The following FBXL20 variants were observed in gnomAD, a reference collection of about 807,000 sequenced individuals.
The protein encoded by FBXL20 is F-box/LRR-repeat protein 20.
Under a neutral mutation model 64.0 loss-of-function variants are expected in FBXL20, and 11 were observed. The observed-to-expected ratio is 0.17, with a 90% CI of 0.11 to 0.28. FBXL20 has a LOEUF of 0.28. FBXL20 is among the 10% of genes least tolerant of loss of function. The pLI is 1.00. For missense variants in FBXL20, 303 were observed against 526.2 expected (o/e 0.58, Z 4.15); for synonymous variants, 184 against 189.0 (o/e 0.97, Z 0.22).
intron 6 of FBXL20, among the ~76,000 whole-genome samples, chr17:39,294,858 A>G (rs1597781445): frequency 6.6e-6 from 1 of 152,298 alleles, no homozygotes; most frequent in East Asian, 1.9e-4. Flanking sequence ...CTAAAAATAC[A>G]AAAATTAGTT....
At chr17:39,370,508 C>T (rs1303786306) in intron 1 of FBXL20, among the ~76,000 whole-genome samples, 3 of 149,500 alleles carry the variant, frequency 2.0e-5, no homozygotes, top group South Asian at 2.1e-4. Flanking sequence ...AAAAGAAGGC[C>T]GGGCGCGGTG....
chr17:39,264,779 T>C (rs966038522), intron 13 of FBXL20, among the ~76,000 whole-genome samples: 1 of 152,218 alleles, frequency 6.6e-6, no homozygotes, highest in Admixed American at 6.5e-5. Flanking sequence ...TTCAGAGACA[T>C]GCCCCAACAA....
chr17:39,281,239 C>A (rs923735060), intron 9 of FBXL20, 150 bp downstream of exon 9: 1 of 671,114 alleles, frequency 1.5e-6, no homozygotes. Context: ...TTGTTAAGCA[C>A]GTCAAAAGTC....
intron 2 of FBXL20, among the ~76,000 whole-genome samples, chr17:39,317,046 C>A (rs1021358264): frequency 2.6e-5 from 4 of 152,150 alleles, no homozygotes; most frequent in Non-Finnish European, 4.4e-5. Flanking sequence ...TCTTGGATAG[C>A]ATAATTTAAT....
chr17:39,324,315 G>T lies in FBXL20; in HGVS notation c.104+18865C>A, dbSNP rs556298708. Among the ~76,000 whole-genome samples the T allele has an allele frequency of 1.1e-4, 17 of 148,922 alleles. No homozygotes were observed. In the South Asian group the frequency reaches 3.3e-3, roughly 29 times the overall value. On this transcript the variant is annotated intron_variant, in intron 2 of 14. Transcript: ENST00000264658. ...ATTTTTCTTTTTTTTTTAGACAAGA[G>T]TCTCACACTGTCACCTAGGCTGGAG...
At chr17:39,338,227 T>G (rs1469515645) in intron 2 of FBXL20, among the ~76,000 whole-genome samples, 1 of 152,252 alleles carries the variant, frequency 6.6e-6, no homozygotes, top group Non-Finnish European at 1.5e-5. Flanking sequence ...CCTGTTGATC[T>G]GTGACCTTAC....
chr17:39,272,168 C>CT, intron 10 of FBXL20, among the ~76,000 whole-genome samples: 1 of 151,812 alleles, frequency 6.6e-6, no homozygotes, highest in Admixed American at 6.6e-5. Flanking sequence ...AGGCGGATCA[C>CT]GAGGTCAGGA....
At chr17:39,287,217 T>C (rs2046997178) in intron 6 of FBXL20, among the ~76,000 whole-genome samples, 1 of 152,026 alleles carries the variant, frequency 6.6e-6, no homozygotes, top group Non-Finnish European at 1.5e-5. Context: ...GGCCTTGGTA[T>C]CTATTTCTAA....
chr17:39,379,018 G>A (rs926610184), intron 1 of FBXL20, among the ~76,000 whole-genome samples: 10 of 149,976 alleles, frequency 6.7e-5, no homozygotes, highest in East Asian at 4.1e-4. Context: ...ACCTGAGGTC[G>A]GGAGTTCAAG....
chr17:39,392,402 C>A (rs1044325832), intron 1 of FBXL20, among the ~76,000 whole-genome samples: 1 of 144,332 alleles, frequency 6.9e-6, no homozygotes, highest in African/African-American at 2.6e-5. Flanking sequence ...ATCACACCAC[C>A]GAATCCCAGC....
chr17:39,345,533 AAAG>A (rs1336582709), intron 1 of FBXL20, among the ~76,000 whole-genome samples: 1 of 148,816 alleles, frequency 6.7e-6, no homozygotes, highest in Non-Finnish European at 1.5e-5. Context: ...AATTTCATTT[AAAG>A]AATAATTTTA....
At chr17:39,288,573 C>T (rs1245586982) in intron 6 of FBXL20, among the ~76,000 whole-genome samples, 3 of 152,154 alleles carry the variant, frequency 2.0e-5, no homozygotes, top group African/African-American at 7.2e-5. Context: ...GCCTCAGCCT[C>T]CCAAGTAGTT....
At chr17:39,268,954 G>T in intron 11 of FBXL20, 83 bp from the exon 12 acceptor site, 3 of 1,196,960 alleles carry the variant, frequency 2.5e-6, no homozygotes, top group Non-Finnish European at 3.7e-6. Flanking sequence ...AAACTAAGAG[G>T]TAATATTAAA....
At chr17:39,316,889 T>C (rs552504585) in intron 2 of FBXL20, among the ~76,000 whole-genome samples, 1 of 152,192 alleles carries the variant, frequency 6.6e-6, no homozygotes, top group Non-Finnish European at 1.5e-5. Context: ...CGCAGGAGGC[T>C]GAGGAATGAG....
intron 3 of FBXL20, among the ~76,000 whole-genome samples, chr17:39,302,044 TCA>T (rs1163135204): frequency 6.6e-6 from 1 of 151,340 alleles, no homozygotes; most frequent in Non-Finnish European, 1.5e-5. Context: ...AGACAAAAGT[TCA>T]GTTTATGAAA....
chr17:39,325,755 A>C (rs2047402830), intron 2 of FBXL20, among the ~76,000 whole-genome samples: 2 of 152,190 alleles, frequency 1.3e-5, no homozygotes, highest in Non-Finnish European at 2.9e-5. Context: ...CAAGCAGCTA[A>C]GGGTAAAAGA....
intron 2 of FBXL20, among the ~76,000 whole-genome samples, chr17:39,319,542 G>T (rs917811151): frequency 2.6e-5 from 4 of 151,858 alleles, no homozygotes; most frequent in Non-Finnish European, 5.9e-5. Flanking sequence ...AAAATTAGCT[G>T]GGCGTGGTGG....
In FBXL20 at chr17:39,389,106, A is replaced by G. The variant is rs1020308952; in HGVS notation, c.42+12255T>C. On this transcript the variant is annotated intron_variant, in intron 1 of 14. Transcript: ENST00000264658. Reference sequence around the variant, plus strand: ...GCAACAAGAGCAAAACTCCATCTCAAAAAAAAAAAAAAAAAAAAAAAAATT... The same window carrying G: ...GCAACAAGAGCAAAACTCCATCTCAGAAAAAAAAAAAAAAAAAAAAAAATT... 7.4e-4 allele frequency among the ~76,000 whole-genome samples: 97 copies of G among 130,414 alleles called. No individual in the cohort carries two copies. In the East Asian group the frequency reaches 0.016, roughly 22 times the overall value. 85.6% of individuals were successfully genotyped at this position (130,414 alleles called of 152,430 possible).
At chr17:39,352,042 T>C (rs2047692299) in intron 1 of FBXL20, among the ~76,000 whole-genome samples, 3 of 152,216 alleles carry the variant, frequency 2.0e-5, no homozygotes, top group South Asian at 4.1e-4. Flanking sequence ...TGTGTGTGTG[T>C]GCACGCGCGT....
Sources: gnomAD v4.1 joint callset for allele counts (sites outside exome capture counted in the v4.1 genomes callset) on GRCh38, gnomAD v4.1.1 for gene constraint, MANE v1.5 for transcripts, NCBI Gene and HGNC (gene_info 2026-07-23, HGNC 2026-07-21) for gene names.